Variants in PKHD1L1 observed in about 807,000 individuals in gnomAD.
The protein encoded by PKHD1L1 is PKHD1 like 1, also known as fibrocystin-L.
Under a neutral mutation model 462.9 loss-of-function variants are expected in PKHD1L1, and 434 were observed. That is an observed-to-expected ratio of 0.94 (90% CI 0.87 to 1.02). The LOEUF (loss-of-function observed/expected upper bound fraction) is 1.02. PKHD1L1 is among the 50% of genes least tolerant of loss of function. The pLI, the probability that PKHD1L1 is intolerant of heterozygous loss-of-function variation, is 0.00. For synonymous variants in PKHD1L1, 1,781 were observed against 1,750.0 expected (o/e 1.02, Z -0.44); for missense variants, 5,202 against 5,096.1 (o/e 1.02, Z -0.63).
rs753240178 is a variant in PKHD1L1 at position 109,445,379 on chromosome 8, C to T, written c.5510C>T (p.Ser1837Leu). The T allele has an allele frequency of 6.2e-7, 1 of 1,613,970 alleles. No individual in the cohort carries two copies. The change falls in exon 38 of 78, where the codon TCA (serine) becomes TTA (leucine). Residue 1837 changes from serine (S) to leucine (L), a missense_variant. By Grantham distance (145) the Ser-to-Leu change is moderately radical. This residue lies in a region of PKHD1L1 where 4,497 missense variants were observed against 4,336.8 expected (regional missense o/e 1.04). Transcript: ENST00000378402. ...AGCAGCCCCCCAGTAGCATCTCTAT[C>T]ACCAACTTCTGGAAGCATTGGTGGT... ...TVSSPPVASL[S>L]PTSGSIGGGT...
At chr8:109,448,637 G>A (rs1816305538) in intron 39 of PKHD1L1, among the ~76,000 whole-genome samples, 1 of 150,976 alleles carries the variant, frequency 6.6e-6, no homozygotes, top group African/African-American at 2.4e-5. Flanking sequence ...TCAGCCTCCC[G>A]AGTAGCTGGG....
At chr8:109,477,451 T>C (rs1818049448) in intron 53 of PKHD1L1, 55 bp downstream of exon 53, 2 of 1,441,206 alleles carry the variant, frequency 1.4e-6, no homozygotes, top group African/African-American at 1.4e-5. Flanking sequence ...ATAATCCTTT[T>C]CACATGTCAC....
chr8:109,394,479 T>C lies in PKHD1L1; in HGVS notation c.805T>C (p.Tyr269His). ...CAATAAAATTGCAATGTTTCAAACA[T>C]ATGCAGGTATGTGACTTTTCTTTCA... The part of the protein sequence containing the change: ...SLNKIAMFQT[Y>H]AEVTMIFPSQ... Residue 269 changes from tyrosine (Y) to histidine (H), a missense_variant, in exon 10 of 78, where the codon TAT becomes CAT. By Grantham distance (83) the Tyr-to-His change is moderately conservative. Around this residue, in one of 3 missense-constraint regions of PKHD1L1, gnomAD observed 4,497 missense variants for 4,336.8 expected, o/e 1.04. Transcript: ENST00000378402. 1.3e-6 allele frequency: 2 copies of C among 1,508,674 alleles called. No homozygotes were observed. Among genetic ancestry groups the C allele is most frequent in the Non-Finnish European group, 1.8e-6 (2 of 1,122,070 alleles). 93.5% of individuals were successfully genotyped at this position (1,508,674 alleles called of 1,614,324 possible).
intron 5 of PKHD1L1, 82 bp from the exon 6 acceptor site, chr8:109,385,455 G>GA (rs1456057254): frequency 2.3e-6 from 2 of 876,614 alleles, no homozygotes; most frequent in Admixed American, 5.8e-5. Flanking sequence ...GTTTTATTGG[G>GA]AAAATCTCTT....
rs771077900 is a variant in PKHD1L1 at position 109,401,587 on chromosome 8, G to A, written c.1372G>A (p.Glu458Lys). ...SDDIHLQKGK[E>K]YYIEILLQEY... The stretch of plus-strand genomic sequence containing the variant: ...TGATATTCATCTGCAGAAAGGAAAA[G>A]AGTAAGGCTTTTTCCTGTCATTAAA... The change falls in exon 14 of 78, where the codon GAA (glutamate) becomes AAA (lysine). Residue 458 changes from glutamate to lysine, a missense_variant and splice_region_variant. By Grantham distance (56) the Glu-to-Lys change is moderately conservative. Around this residue, in one of 3 missense-constraint regions of PKHD1L1, gnomAD observed 4,497 missense variants for 4,336.8 expected, o/e 1.04. Coordinates refer to ENST00000378402, the MANE Select transcript of PKHD1L1 (RefSeq NM_177531.6). 7 of 1,529,654 alleles carry A rather than the reference G, an allele frequency of 4.6e-6. No individual in the cohort carries two copies. The highest frequency in any genetic ancestry group is 6.3e-6 in the Non-Finnish European group (7 of 1,108,238). The allele number at this position is 1,529,654 out of a possible 1,614,324, so 94.8% of individuals were successfully genotyped here. A position where few individuals can be genotyped will look rare whatever the true frequency, so the allele number is the denominator to read the frequency against.
rs548949951 is a variant in PKHD1L1, at chr8:109,477,275, G to A, written c.8968G>A (p.Asp2990Asn). The A allele has an allele frequency of 6.2e-7, 1 of 1,613,482 alleles. No individual in the cohort carries two copies. Among genetic ancestry groups the A allele is most frequent in the African/African-American group, 1.3e-5 (1 of 75,006 alleles). ...GAGTCAGCTCATTTCTGGGAACCTG[G>A]ATCCTGATGTGAAAGACGTTGTTAT... ...HQSQLISGNL[D>N]PDVKDVVINF... Residue 2990 changes from aspartate (D) to asparagine (N), a missense_variant, in exon 53 of 78, where the codon GAT becomes AAT. By Grantham distance (23) the Asp-to-Asn change is conservative (BLOSUM62 1). This residue lies in a region of PKHD1L1 where 4,497 missense variants were observed against 4,336.8 expected (regional missense o/e 1.04). Coordinates refer to ENST00000378402, the MANE Select transcript of PKHD1L1 (RefSeq NM_177531.6).
intron 8 of PKHD1L1, among the ~76,000 whole-genome samples, chr8:109,389,482 C>T (rs959215836): frequency 1.3e-5 from 2 of 150,830 alleles, no homozygotes; most frequent in African/African-American, 4.9e-5. Flanking sequence ...GTCCTCCAGA[C>T]ACATAGATCT....
At chr8:109,384,031 C>G (rs1161717929) in intron 4 of PKHD1L1, 39 bp from the exon 5 acceptor site, 1 of 1,352,588 alleles carries the variant, frequency 7.4e-7, no homozygotes, top group Non-Finnish European at 1.1e-6. Flanking sequence ...AGAAACAAAA[C>G]AGAGATAAGT....
intron 47 of PKHD1L1, among the ~76,000 whole-genome samples, chr8:109,460,462 A>C (rs570866531): frequency 6.6e-6 from 1 of 152,248 alleles, no homozygotes; most frequent in East Asian, 1.9e-4. Context: ...GATCTGAGCC[A>C]GTGGGGGTAG....
intron 2 of PKHD1L1, among the ~76,000 whole-genome samples, chr8:109,370,043 G>C (rs913966397): frequency 6.6e-6 from 1 of 152,176 alleles, no homozygotes; most frequent in Admixed American, 6.5e-5. Flanking sequence ...TAGCAGCTAA[G>C]AACATAAGGG....
chr8:109,442,460 A>C (rs1278743224), intron 35 of PKHD1L1, among the ~76,000 whole-genome samples: 1 of 152,182 alleles, frequency 6.6e-6, no homozygotes, highest in Non-Finnish European at 1.5e-5. Context: ...TTGAAAAAGC[A>C]AAATGCAATA....
intron 20 of PKHD1L1, among the ~76,000 whole-genome samples, chr8:109,413,153 T>C (rs1052832905): frequency 6.6e-6 from 1 of 152,140 alleles, no homozygotes; most frequent in Non-Finnish European, 1.5e-5. Context: ...GAGTGAATTG[T>C]TTCCAGTTTT....
chr8:109,382,603 T>G, intron 4 of PKHD1L1, 32 bp downstream of exon 4: 1 of 1,543,026 alleles, frequency 6.5e-7, no homozygotes, highest in Non-Finnish European at 8.8e-7. Context: ...AGTTTATGTA[T>G]AGTTGATCTT....
intron 17 of PKHD1L1, among the ~76,000 whole-genome samples, 167 bp from the exon 18 acceptor site, chr8:109,407,882 A>G (rs1282404502): frequency 6.6e-6 from 1 of 152,122 alleles, no homozygotes; most frequent in Non-Finnish European, 1.5e-5. Flanking sequence ...TCAAATTTTA[A>G]GGATCTACAT....
Position 109,401,724 on chromosome 8 carries a change from C to G in PKHD1L1, c.1373+136C>G, listed in dbSNP as rs184920152. 7 of 512,578 alleles carry G rather than the reference C, an allele frequency of 1.4e-5. No individual in the cohort carries two copies. In the Admixed American group the frequency reaches 2.2e-4, roughly 16 times the overall value. 31.8% of individuals were successfully genotyped at this position (512,578 alleles called of 1,614,324 possible). A position where few individuals can be genotyped will look rare whatever the true frequency, so the allele number is the denominator to read the frequency against. On this transcript the variant is annotated intron_variant, in intron 14 of 77. Transcript: ENST00000378402. ...GGTTTAATTTATAATTGGTCATTCT[C>G]TATAATTTTATTCAAATGTGTTTCT...
In PKHD1L1 at chr8:109,481,578, T is replaced by C. The variant is rs183601611; in HGVS notation, c.9457+16T>C. 1.2e-5 allele frequency: 18 copies of C among 1,543,994 alleles called. No individual in the cohort carries two copies. The highest frequency in any genetic ancestry group is 7.0e-5 in the East Asian group (3 of 42,892). ...AAGGTCTTAGGTGTGTGTCTACAGA[T>C]ACCAAAAGTGTCACATCTGTTTTAA... is the stretch of plus-strand genomic sequence containing the variant. On this transcript the variant is annotated intron_variant, in intron 56 of 77. Coordinates refer to ENST00000378402, the MANE Select transcript of PKHD1L1 (RefSeq NM_177531.6).
intron 9 of PKHD1L1, among the ~76,000 whole-genome samples, chr8:109,391,664 T>C (rs536086154): frequency 6.6e-6 from 1 of 152,260 alleles, no homozygotes; most frequent in Non-Finnish European, 1.5e-5. Flanking sequence ...AGATTAATAA[T>C]AGGAAAGATC....
intron 17 of PKHD1L1, among the ~76,000 whole-genome samples, chr8:109,407,530 G>C (rs182461890): frequency 3.7e-4 from 57 of 152,182 alleles, no homozygotes; most frequent in African/African-American, 1.3e-3. Context: ...GACATTTGAG[G>C]ACAGGCCTTA....
rs1375492658 is a variant in PKHD1L1 at position 109,451,068 on chromosome 8, C to T, written c.6269C>T (p.Thr2090Ile). 1 of 1,613,794 alleles carries T rather than the reference C, an allele frequency of 6.2e-7. No homozygotes were observed. The highest frequency in any genetic ancestry group is 2.2e-5 in the East Asian group (1 of 44,854). ...CCGTTTACGTACGCAGTGTCACTGA[C>T]TCCACTCATCACTGCAGTATCTCCT... The part of the protein sequence containing the change: ...MTPFTYAVSL[T>I]PLITAVSPKR... The change falls in exon 41 of 78, where the codon ACT (threonine) becomes ATT (isoleucine). Residue 2090 changes from threonine (T) to isoleucine (I), a missense_variant. Physicochemically the swap from Thr to Ile is moderately conservative, Grantham distance 89. This residue lies in a region of PKHD1L1 where 4,497 missense variants were observed against 4,336.8 expected (regional missense o/e 1.04). Transcript: ENST00000378402.
Sources: gnomAD v4.1 joint callset for allele counts (sites outside exome capture counted in the v4.1 genomes callset) on GRCh38, gnomAD v4.1.1 for gene constraint, gnomAD v4.1.1 regional missense constraint, MANE v1.5 for transcripts, NCBI Gene and HGNC (gene_info 2026-07-23, HGNC 2026-07-21) for gene names.